PKHD1L1: variants seen among roughly 807,000 people sequenced by gnomAD.
PKHD1L1 encodes the protein PKHD1 like 1.
Under a neutral mutation model 462.9 loss-of-function variants are expected in PKHD1L1, and 434 were observed. The observed-to-expected ratio is 0.94, with a 90% CI of 0.87 to 1.02. PKHD1L1 has a LOEUF of 1.02. Among genes scored for constraint, PKHD1L1 ranks in the 50% least tolerant of loss-of-function variants. PKHD1L1 has a pLI of 0.00. For synonymous variants in PKHD1L1, 1,781 were observed against 1,750.0 expected (o/e 1.02, Z -0.44); for missense variants, 5,202 against 5,096.1 (o/e 1.02, Z -0.63).
At chr8:109,515,967 G>A (rs749038058) in intron 72 of PKHD1L1, among the ~76,000 whole-genome samples, 2 of 151,744 alleles carry the variant, frequency 1.3e-5, no homozygotes, top group Non-Finnish European at 2.9e-5. Flanking sequence ...TTATATAGAT[G>A]TGTGTGGTAG....
rs1811416493 is a variant in PKHD1L1 at position 109,369,979 on chromosome 8, T to G, written c.163+5343T>G. On this transcript the variant is annotated intron_variant, in intron 2 of 77. Transcript: ENST00000378402. ...ATAAAATGATATTTATTAAAATCTC[T>G]ACCCTTTATTGAGTTTCTGCTTACT... Among the ~76,000 whole-genome samples the G allele has an allele frequency of 3.3e-5, 5 of 152,340 alleles. No homozygotes were observed. In the East Asian group the frequency reaches 9.6e-4, roughly 29 times the overall value.
chr8:109,468,434 G>A (rs1817557855), intron 50 of PKHD1L1, among the ~76,000 whole-genome samples: 1 of 152,072 alleles, frequency 6.6e-6, no homozygotes, highest in African/African-American at 2.4e-5. Context: ...TACCTAGAGG[G>A]CAATATCTAC....
At chr8:109,498,181 A>G (rs559109981) in intron 65 of PKHD1L1, among the ~76,000 whole-genome samples, 769 of 48,308 alleles carry the variant, frequency 0.016, 175 homozygotes, top group Admixed American at 0.031. Context: ...GGCTCACTGC[A>G]AGCTCCGCTT....
At chr8:109,449,223 A>T in intron 39 of PKHD1L1, 115 bp from the exon 40 acceptor site, 2 of 1,031,106 alleles carry the variant, frequency 1.9e-6, no homozygotes, top group Non-Finnish European at 2.7e-6. Flanking sequence ...GTTCTAAAAA[A>T]CTCTTCATTT....
chr8:109,479,630 A>G lies in PKHD1L1; in HGVS notation c.9169A>G (p.Ile3057Val). The change falls in exon 54 of 78, where the codon ATA (isoleucine) becomes GTA (valine). Residue 3057 changes from isoleucine (I) to valine (V), a missense_variant. Transcript: ENST00000378402. Reference sequence around the variant, plus strand: ...ACCTCACCCAGGGGCAAATGTGATTATACCTGAAGGTAAATGCGTAAACAC... The same window carrying G: ...ACCTCACCCAGGGGCAAATGTGATTGTACCTGAAGGTAAATGCGTAAACAC... ...TVPHPGANVI[I>V]PEGTWIVADI... 1 of 1,499,864 alleles carries G rather than the reference A, an allele frequency of 6.7e-7. No individual in the cohort carries two copies. Among genetic ancestry groups the G allele is most frequent in the South Asian group, 1.2e-5 (1 of 83,662 alleles). 92.9% of individuals were successfully genotyped at this position (1,499,864 alleles called of 1,614,324 possible). A position where few individuals can be genotyped will look rare whatever the true frequency, so the allele number is the denominator to read the frequency against.
At chr8:109,452,313 A>T in intron 42 of PKHD1L1, 33 bp downstream of exon 42, 6 of 1,476,136 alleles carry the variant, frequency 4.1e-6, no homozygotes, top group Non-Finnish European at 5.4e-6. Context: ...TAATCACAGC[A>T]ATAGAAAACC....
chr8:109,435,833 T>C (rs1432029032), intron 29 of PKHD1L1, among the ~76,000 whole-genome samples: 1 of 152,156 alleles, frequency 6.6e-6, no homozygotes, highest in Non-Finnish European at 1.5e-5. Context: ...TTACCAGGCG[T>C]AGTTTAGGGT....
At chr8:109,512,343 T>C (rs1310597036) in intron 71 of PKHD1L1, among the ~76,000 whole-genome samples, 2 of 151,430 alleles carry the variant, frequency 1.3e-5, no homozygotes, top group East Asian at 3.9e-4. Context: ...AACATTTAAG[T>C]CTTTAATCCA....
In PKHD1L1 at chr8:109,530,221, C is replaced by A; in HGVS notation, c.*131C>A. The stretch of plus-strand genomic sequence containing the variant: ...ATATTTTTATGATATATAAAATGTA[C>A]TAATTAGCTTTAAACACTAAAATCA... On this transcript the variant is annotated 3_prime_UTR_variant, in exon 78 of 78. Transcript: ENST00000378402. 1 of 436,232 alleles carries A rather than the reference C, an allele frequency of 2.3e-6. No individual in the cohort carries two copies. The highest frequency in any genetic ancestry group is 3.8e-6 in the Non-Finnish European group (1 of 265,670). The allele number at this position is 436,232 out of a possible 1,614,324, so 27.0% of individuals were successfully genotyped here.
chr8:109,364,870 A>G (rs1811154680), intron 2 of PKHD1L1, among the ~76,000 whole-genome samples: 1 of 152,210 alleles, frequency 6.6e-6, no homozygotes, highest in African/African-American at 2.4e-5. Context: ...CAAGATCTGG[A>G]TTAATGACTG....
chr8:109,392,399 C>T (rs1286665487), intron 9 of PKHD1L1, among the ~76,000 whole-genome samples: 10 of 152,088 alleles, frequency 6.6e-5, no homozygotes, highest in Non-Finnish European at 2.9e-5. Context: ...TGCCCAGAAA[C>T]TTTCAATTTA....
intron 2 of PKHD1L1, among the ~76,000 whole-genome samples, chr8:109,373,912 T>C (rs895108954): frequency 6.6e-6 from 1 of 152,216 alleles, no homozygotes; most frequent in African/African-American, 2.4e-5. Flanking sequence ...TGAGGAGTGC[T>C]TTACTTCCAA....
At chr8:109,446,275 T>C (rs1816133672) in intron 38 of PKHD1L1, among the ~76,000 whole-genome samples, 2 of 152,216 alleles carry the variant, frequency 1.3e-5, no homozygotes, top group African/African-American at 2.4e-5. Context: ...TTAGAATATA[T>C]GTACTGAATT....
At chr8:109,408,529 C>T (rs1813680145) in intron 18 of PKHD1L1, among the ~76,000 whole-genome samples, 1 of 152,124 alleles carries the variant, frequency 6.6e-6, no homozygotes, top group African/African-American at 2.4e-5. Context: ...AATTTGTTAT[C>T]CTGTAAAATC....
intron 25 of PKHD1L1, 58 bp downstream of exon 25, chr8:109,427,214 C>A: frequency 1.5e-6 from 2 of 1,306,400 alleles, no homozygotes; most frequent in Non-Finnish European, 2.2e-6. Context: ...TTATTTGGAC[C>A]CTGCCTTATT....
intron 18 of PKHD1L1, 69 bp downstream of exon 18, chr8:109,408,275 T>C: frequency 3.7e-6 from 5 of 1,368,010 alleles, no homozygotes; most frequent in Non-Finnish European, 4.9e-6. Context: ...GGGCCATTTG[T>C]AGACAGATGG....
rs771917225 is a variant in PKHD1L1, at chr8:109,461,831, C to A, written c.7306C>A (p.Gln2436Lys). 3.2e-5 allele frequency: 52 copies of A among 1,607,774 alleles called. No individual in the cohort carries two copies. In the Middle Eastern group the frequency reaches 6.6e-4, roughly 20 times the overall value. The change falls in exon 48 of 78, where the codon CAA (glutamine) becomes AAA (lysine). Residue 2436 changes from glutamine (Q) to lysine (K), a missense_variant. By Grantham distance (53) the Gln-to-Lys change is moderately conservative (BLOSUM62 1). Transcript: ENST00000378402. The part of the protein sequence containing the change: ...GKFGEEIGSD[Q>K]FGGCVMFHAP... ...GTTTGGAGAAGAAATAGGAAGTGAC[C>A]AATTTGGAGGCTGCGTTATGTTTCA...
chr8:109,511,946 G>C (rs1820009826), intron 71 of PKHD1L1, among the ~76,000 whole-genome samples: 1 of 152,222 alleles, frequency 6.6e-6, no homozygotes, highest in Non-Finnish European at 1.5e-5. Flanking sequence ...GATGGCCAGT[G>C]ATGGTGAGCA....
At chr8:109,438,146 C>CAAGCATGTA (rs943941747) in intron 30 of PKHD1L1, among the ~76,000 whole-genome samples, 178 bp from the exon 31 acceptor site, 2 of 152,084 alleles carry the variant, frequency 1.3e-5, no homozygotes, top group African/African-American at 4.8e-5. Flanking sequence ...TTTGAGAACT[C>CAAGCATGTA]AAGCATGTAA....
Sources: gnomAD v4.1 joint callset for allele counts (sites outside exome capture counted in the v4.1 genomes callset) on GRCh38, gnomAD v4.1.1 for gene constraint, MANE v1.5 for transcripts, NCBI Gene and HGNC (gene_info 2026-07-23, HGNC 2026-07-21) for gene names.